MCTP2: variants seen among roughly 807,000 people sequenced by gnomAD.
MCTP2 encodes multiple C2 and transmembrane domain containing 2.
In MCTP2, 132 loss-of-function variants were observed where a neutral mutation model predicts 111.6. That is an observed-to-expected ratio of 1.18 (90% CI 1.03 to 1.37). The LOEUF is 1.37. MCTP2 is among the 40% of genes most tolerant of loss of function. The probability of loss-of-function intolerance (pLI) is 0.00; values close to 1 mark genes in which losing one functional copy is unlikely to be tolerated. For missense variants in MCTP2, 1,183 were observed against 1,067.9 expected, an observed-to-expected ratio of 1.11 and a Z score of -1.50; for synonymous variants, 395 against 387.7, an observed-to-expected ratio of 1.02 and a Z score of -0.22.
intron 2 of MCTP2, among the ~76,000 whole-genome samples, chr15:94,305,870 AT>A (rs1337420495): frequency 1.3e-5 from 2 of 151,782 alleles, no homozygotes; most frequent in Non-Finnish European, 2.9e-5. Context: ...TTATTTTTTT[AT>A]TTTTTTCTTC....
At chr15:94,364,847 A>G (rs1470636433) in intron 10 of MCTP2, among the ~76,000 whole-genome samples, 1 of 152,204 alleles carries the variant, frequency 6.6e-6, no homozygotes, top group Non-Finnish European at 1.5e-5. Context: ...AAACTTTATG[A>G]CAAAACTGGA....
At chr15:94,475,824 G>A (rs2074302081) in intron 21 of MCTP2, among the ~76,000 whole-genome samples, 1 of 152,128 alleles carries the variant, frequency 6.6e-6, no homozygotes, top group African/African-American at 2.4e-5. Flanking sequence ...GTAAACCAGG[G>A]GCAGAGCGTG....
chr15:94,426,516 C>A (rs1447176294), intron 17 of MCTP2, among the ~76,000 whole-genome samples: 3 of 152,052 alleles, frequency 2.0e-5, no homozygotes, highest in Non-Finnish European at 4.4e-5. Context: ...ATTTATTGAG[C>A]TCTTCATTTT....
intron 19 of MCTP2, among the ~76,000 whole-genome samples, chr15:94,448,242 C>A (rs926797216): frequency 2.0e-5 from 3 of 152,162 alleles, no homozygotes; most frequent in African/African-American, 7.2e-5. Flanking sequence ...CCTTCTGGAA[C>A]CTTATTCAGA....
intron 17 of MCTP2, among the ~76,000 whole-genome samples, chr15:94,439,781 A>T (rs2083672766): frequency 6.6e-6 from 1 of 152,176 alleles, no homozygotes; most frequent in Non-Finnish European, 1.5e-5. Context: ...AAATATTTGG[A>T]TTTTTCAATA....
chr15:94,291,871 A>G (rs1477689266), intron 1 of MCTP2, among the ~76,000 whole-genome samples: 1 of 152,202 alleles, frequency 6.6e-6, no homozygotes, highest in African/African-American at 2.4e-5. Flanking sequence ...GCCATATGGT[A>G]TCTGCCACAA....
chr15:94,370,217 T>C, intron 12 of MCTP2, 37 bp downstream of exon 12: 3 of 1,531,878 alleles, frequency 2.0e-6, no homozygotes, highest in Non-Finnish European at 2.7e-6. Context: ...TATCTTTATT[T>C]ATTTCCTGCT....
At chr15:94,292,364 C>T (rs1408529969) in intron 1 of MCTP2, among the ~76,000 whole-genome samples, 4 of 152,136 alleles carry the variant, frequency 2.6e-5, no homozygotes, top group Admixed American at 6.5e-5. Flanking sequence ...AAATACCCAA[C>T]GTGATTTTCT....
chr15:94,346,265 T>C (rs1007464989), intron 8 of MCTP2, among the ~76,000 whole-genome samples: 13 of 152,234 alleles, frequency 8.5e-5, no homozygotes, highest in African/African-American at 2.4e-4. Context: ...CTAAAAGATA[T>C]ACCCTTTGCA....
intron 1 of MCTP2, among the ~76,000 whole-genome samples, chr15:94,244,999 C>T (rs543833207): frequency 3.5e-5 from 5 of 141,646 alleles, no homozygotes; most frequent in South Asian, 2.3e-4. Context: ...TGTTTATATA[C>T]GTATATGTAT....
intron 1 of MCTP2, among the ~76,000 whole-genome samples, chr15:94,244,160 A>T (rs575357420): frequency 1.1e-4 from 17 of 147,902 alleles, no homozygotes; most frequent in Admixed American, 6.7e-5. Context: ...ATGTTTATAT[A>T]CACGTGTATA....
At chr15:94,439,833 A>G (rs1358877254) in intron 17 of MCTP2, among the ~76,000 whole-genome samples, 2 of 152,220 alleles carry the variant, frequency 1.3e-5, no homozygotes, top group African/African-American at 4.8e-5. Context: ...TCCTGTTCAA[A>G]TAAACCTCAC....
chr15:94,453,603 T>C (rs1283561952), intron 19 of MCTP2, among the ~76,000 whole-genome samples: 1 of 152,246 alleles, frequency 6.6e-6, no homozygotes, highest in Non-Finnish European at 1.5e-5. Flanking sequence ...GTCTGAACAC[T>C]CTTAGAATAT....
chr15:94,458,665 A>T (rs968787438), intron 20 of MCTP2, among the ~76,000 whole-genome samples: 1 of 152,228 alleles, frequency 6.6e-6, no homozygotes, highest in Non-Finnish European at 1.5e-5. Flanking sequence ...TCTCCAAAGA[A>T]AGATACACAT....
intron 10 of MCTP2, among the ~76,000 whole-genome samples, chr15:94,364,163 G>GGCT (rs2079070997): frequency 6.6e-6 from 1 of 151,354 alleles, no homozygotes; most frequent in Non-Finnish European, 1.5e-5. Context: ...AAATCCATAT[G>GGCT]GCTGCCCGTT....
At chr15:94,390,815 C>T (rs1283326433) in intron 14 of MCTP2, among the ~76,000 whole-genome samples, 4 of 150,094 alleles carry the variant, frequency 2.7e-5, no homozygotes, top group African/African-American at 4.9e-5. Context: ...CTGCAACCTC[C>T]ACCTCCCAGG....
intron 9 of MCTP2, among the ~76,000 whole-genome samples, chr15:94,357,446 A>G (rs974535273): frequency 6.6e-6 from 1 of 152,240 alleles, no homozygotes; most frequent in African/African-American, 2.4e-5. Context: ...AAGCACACTT[A>G]GCCATTTGGA....
intron 4 of MCTP2, among the ~76,000 whole-genome samples, chr15:94,318,153 A>C (rs1000098779): frequency 4.6e-5 from 7 of 152,168 alleles, no homozygotes; most frequent in African/African-American, 1.7e-4. Flanking sequence ...TCATTTTGTA[A>C]CCATTTCTCT....
intron 1 of MCTP2, among the ~76,000 whole-genome samples, chr15:94,289,741 T>C (rs188323727): frequency 1.3e-4 from 20 of 152,306 alleles, no homozygotes; most frequent in Admixed American, 3.3e-4. Flanking sequence ...ACCTATACGC[T>C]GGTATGGTAG....
Sources: allele counts gnomAD v4.1 joint callset (sites outside exome capture counted in the v4.1 genomes callset), GRCh38; gene constraint gnomAD v4.1.1; transcripts MANE v1.5; gene names NCBI Gene and HGNC (gene_info 2026-07-23, HGNC 2026-07-21).